The following PRR5 variants were observed in gnomAD, a reference collection of about 807,000 sequenced individuals.
PRR5 encodes the protein proline-rich protein 5.
A neutral mutation model predicts 30.6 loss-of-function variants in PRR5; 25 were observed. The observed-to-expected ratio is 0.82, with a 90% confidence interval of 0.60 to 1.14. The LOEUF (loss-of-function observed/expected upper bound fraction) is 1.14, where lower values mean the gene tolerates loss of function less well. Ranked by LOEUF, PRR5 falls within the 50% of genes most tolerant of loss-of-function variation. The pLI, the probability that PRR5 is intolerant of heterozygous loss-of-function variation, is 0.00. For synonymous variants in PRR5, 286 were observed against 247.1 expected, an observed-to-expected ratio of 1.16 and a Z score of -1.48; for missense variants, 600 against 547.1, an observed-to-expected ratio of 1.10 and a Z score of -0.96.
Position 44,690,541 on chromosome 22 carries a change from C to T in PRR5, c.-10-11951C>T, listed in dbSNP as rs180769944. Among the ~76,000 whole-genome samples the T allele has an allele frequency of 2.6e-4, 39 of 152,132 alleles. 1 individual carries two copies. Among genetic ancestry groups the T allele is most frequent in the African/African-American group, 9.4e-4 (39 of 41,512 alleles). On this transcript the variant is annotated intron_variant, in intron 1 of 8. Coordinates refer to the PRR5 transcript ENST00000006251. The stretch of plus-strand genomic sequence containing the variant: ...CCTGCAGCTGTGAATACGTTTAGAG[C>T]CTGTGGTTACCCAGGGAGGGAGATG...
chr22:44,727,323 C>T (rs1433503616), intron 4 of PRR5, among the ~76,000 whole-genome samples: 2 of 152,078 alleles, frequency 1.3e-5, no homozygotes, highest in Non-Finnish European at 2.9e-5. Context: ...CAGGAGCGAG[C>T]TGCCCTGGGA....
chr22:44,694,427 G>A (rs747867918), intron 1 of PRR5, among the ~76,000 whole-genome samples: 8 of 152,208 alleles, frequency 5.3e-5, no homozygotes, highest in Non-Finnish European at 1.2e-4. Flanking sequence ...CAGCTACACG[G>A]GAGGTTGAGG....
upstream of PRR5, among the ~76,000 whole-genome samples, chr22:44,697,677 C>A (rs1331633663): frequency 1.3e-5 from 2 of 152,236 alleles, no homozygotes; most frequent in African/African-American, 4.8e-5. Context: ...AGGGCCGTGC[C>A]CCGGGGAGAG....
At chr22:44,669,442 A>G (rs79762687) in intron 1 of PRR5, among the ~76,000 whole-genome samples, 5,364 of 151,774 alleles carry the variant, frequency 0.035, 286 homozygotes, top group African/African-American at 0.12. Context: ...CGGGACAGAG[A>G]CTCCAGGGCT....
At position 44,709,065 on chromosome 22, in the gene PRR5, G is replaced by A. The variant is rs1480838362; in HGVS notation, c.135-5526G>A. Among the ~76,000 whole-genome samples the A allele has an allele frequency of 5.4e-5, 8 of 147,936 alleles. No homozygotes were observed. The Middle Eastern group carries it at 0.01, about 189-fold the overall frequency. Reference sequence around the variant, plus strand: ...GCTGGGATTCAACCCAGGTCTCACCGGGAGCACGTGCTCATGGGGGTCTCT... The same window carrying A: ...GCTGGGATTCAACCCAGGTCTCACCAGGAGCACGTGCTCATGGGGGTCTCT... On this transcript the variant is annotated intron_variant, in intron 1 of 7. Coordinates refer to ENST00000336985, the MANE Select transcript of PRR5 (RefSeq NM_181333.4).
intron 1 of PRR5, among the ~76,000 whole-genome samples, chr22:44,695,017 A>C (rs1925621885): frequency 6.6e-6 from 1 of 152,128 alleles, no homozygotes; most frequent in South Asian, 2.1e-4. Context: ...CTAAAAATAC[A>C]AAAATTAGCT....
upstream of PRR5, among the ~76,000 whole-genome samples, chr22:44,675,781 TTATTATTATTATTATTAC>T (rs1458755354): frequency 6.8e-6 from 1 of 148,024 alleles, no homozygotes; most frequent in African/African-American, 2.5e-5. Flanking sequence ...ATTATTATTA[TTATTATTATTATTATTAC>T]TTAGGTCACA....
chr22:44,669,141 G>C (rs1231419141), intron 1 of PRR5, among the ~76,000 whole-genome samples: 2 of 131,778 alleles, frequency 1.5e-5, no homozygotes, highest in African/African-American at 5.9e-5. Context: ...CTCTATCTCT[G>C]AGTTTGTCCG....
intron 1 of PRR5, among the ~76,000 whole-genome samples, chr22:44,679,135 C>G (rs9614873): frequency 0.12 from 18,185 of 152,036 alleles, 1,423 homozygotes; most frequent in East Asian, 0.27. Context: ...GAGATACGTG[C>G]GGCCACCCCA....
intron 1 of PRR5, among the ~76,000 whole-genome samples, chr22:44,671,344 T>C (rs1923415628): frequency 6.6e-6 from 1 of 152,196 alleles, no homozygotes; most frequent in South Asian, 2.1e-4. Context: ...ACAGCCCTCA[T>C]TTTTTATTTT....
upstream of PRR5, among the ~76,000 whole-genome samples, chr22:44,676,569 G>T (rs1923786355): frequency 6.6e-6 from 1 of 152,084 alleles, no homozygotes; most frequent in South Asian, 2.1e-4. Flanking sequence ...AGCAGGATGG[G>T]GGGTTCGACT....
chr22:44,679,937 G>A (rs1924120722), intron 1 of PRR5: 1 of 1,504,748 alleles, frequency 6.6e-7, no homozygotes, highest in Non-Finnish European at 9.0e-7. Flanking sequence ...ATGGGTGAGG[G>A]TGAGTGCAGT....
At chr22:44,692,128 C>T (rs143878730) in intron 1 of PRR5, among the ~76,000 whole-genome samples, 205 of 152,160 alleles carry the variant, frequency 1.3e-3, no homozygotes, top group African/African-American at 4.3e-3. Context: ...AGATCCCACA[C>T]CCCCAAATCC....
intron 1 of PRR5, among the ~76,000 whole-genome samples, chr22:44,670,365 AG>A (rs1923353038): frequency 6.6e-6 from 1 of 152,202 alleles, no homozygotes; most frequent in Admixed American, 6.5e-5. Context: ...GAAGTCCGGC[AG>A]GCCTGAGTCA....
At chr22:44,732,876 GCACACACACACCACACACGTGCA>G (rs1334032747) in intron 6 of PRR5, among the ~76,000 whole-genome samples, 1 of 134,556 alleles carries the variant, frequency 7.4e-6, no homozygotes, top group Non-Finnish European at 1.5e-5. Flanking sequence ...ACTACACACT[GCACACACACACCACACACGTGCA>G]CACGCATACA....
intron 1 of PRR5, among the ~76,000 whole-genome samples, chr22:44,712,136 TA>T (rs1928337789): frequency 6.6e-6 from 1 of 152,040 alleles, no homozygotes; most frequent in Non-Finnish European, 1.5e-5. Flanking sequence ...TCAAACTCTC[TA>T]GGGGTGGCGC....
chr22:44,674,047 T>C (rs1923572175), upstream of PRR5, among the ~76,000 whole-genome samples: 1 of 152,164 alleles, frequency 6.6e-6, no homozygotes, highest in Non-Finnish European at 1.5e-5. Context: ...TCCCTAAACA[T>C]ATTCATTTCC....
At chr22:44,700,456 G>A (rs908396048), upstream of PRR5, among the ~76,000 whole-genome samples, 8 of 151,938 alleles carry the variant, frequency 5.3e-5, no homozygotes, top group African/African-American at 1.5e-4. Context: ...AGAGCGAAAC[G>A]CCATCACACA....
chr22:44,676,795 C>G (rs1923803521), upstream of PRR5: 1 of 152,446 alleles, frequency 6.6e-6, no homozygotes, highest in South Asian at 2.1e-4. Context: ...CTGGCCAGTT[C>G]CTTCTGTCCG....
Sources: gnomAD v4.1 joint callset for allele counts (sites outside exome capture counted in the v4.1 genomes callset) on GRCh38, gnomAD v4.1.1 for gene constraint, MANE v1.5 for transcripts, NCBI Gene and HGNC (gene_info 2026-07-23, HGNC 2026-07-21) for gene names.